The following AQR variants were observed in gnomAD, a reference collection of about 807,000 sequenced individuals.
AQR encodes the protein RNA helicase aquarius.
In AQR, 61 loss-of-function variants were observed where a neutral mutation model predicts 180.5. The ratio of observed to expected loss-of-function variants is 0.34; its 90% CI spans 0.28 to 0.42. The LOEUF (loss-of-function observed/expected upper bound fraction) is 0.42. AQR is among the 10% of genes least tolerant of loss of function. The pLI, the probability that AQR is intolerant of heterozygous loss-of-function variation, is 1.00. For missense variants in AQR, 1,281 were observed against 1,798.3 expected, an observed-to-expected ratio of 0.71 and a Z score of 5.20; for synonymous variants, 551 against 588.8, an observed-to-expected ratio of 0.94 and a Z score of 0.93.
Position 34,856,747 on chromosome 15 carries a change from G to C in AQR, c.*45C>G. 7.0e-7 allele frequency: 1 copy of C among 1,427,490 alleles called. No individual in the cohort carries two copies. The highest frequency in any genetic ancestry group is 1.8e-5 in the South Asian group (1 of 56,742). The allele number at this position is 1,427,490 out of a possible 1,614,324, so 88.4% of individuals were successfully genotyped here. A position where few individuals can be genotyped will look rare whatever the true frequency, so the allele number is the denominator to read the frequency against. On this transcript the variant is annotated 3_prime_UTR_variant, in exon 35 of 35. Coordinates refer to ENST00000156471, the MANE Select transcript of AQR (RefSeq NM_014691.3). ...AAAATACAAAAAACAGCTTTACTCA[G>C]ACTTTTTGACTGCCATGTCCTCCTT... is the stretch of plus-strand genomic sequence containing the variant.
chr15:34,964,446 T>C (rs1400084813), intron 1 of AQR, 156 bp from the exon 2 acceptor site: 1 of 713,022 alleles, frequency 1.4e-6, no homozygotes, highest in East Asian at 2.8e-5. Context: ...TGCAGGCCAG[T>C]TGGCATCCTT....
Position 34,873,841 on chromosome 15 carries a change from G to T in AQR, c.3584C>A (p.Pro1195His). 6.3e-7 allele frequency: 1 copy of T among 1,592,012 alleles called. No individual in the cohort carries two copies. Among genetic ancestry groups the T allele is most frequent in the Non-Finnish European group, 8.6e-7 (1 of 1,169,244 alleles). The change falls in exon 30 of 35, where the codon CCT (proline) becomes CAT (histidine). Residue 1195 changes from proline to histidine, a missense_variant. Pro to His is a moderately conservative substitution (Grantham distance 77). Around this residue, in one of 9 missense-constraint regions of AQR, gnomAD observed 197 missense variants for 320.7 expected, o/e 0.61. Transcript: ENST00000156471. Reference protein sequence around the residue: ...FQGVGESEPNPYFYQNLGEAE... With the variant: ...FQGVGESEPNHYFYQNLGEAE... ...ATTTTTTCTTACCTGATAGAAGTAA[G>T]GATTAGGTTCAGATTCTCCCACTCC...
intron 8 of AQR, among the ~76,000 whole-genome samples, chr15:34,940,119 T>C (rs1233427729): frequency 6.6e-6 from 1 of 152,136 alleles, no homozygotes; most frequent in African/African-American, 2.4e-5. Context: ...TTCAATTAAG[T>C]GGAGTGAAGA....
At chr15:34,897,460 G>A in intron 21 of AQR, 99 bp downstream of exon 21, 1 of 1,383,158 alleles carries the variant, frequency 7.2e-7, no homozygotes, top group Non-Finnish European at 1.0e-6. Flanking sequence ...GGAGTTTTGT[G>A]GAGTTTTAAA....
chr15:34,947,684 G>A (rs1365315908), intron 5 of AQR, among the ~76,000 whole-genome samples: 1 of 151,816 alleles, frequency 6.6e-6, no homozygotes, highest in Non-Finnish European at 1.5e-5. Context: ...CTGTTACCCA[G>A]GCTGGAGTGT....
intron 27 of AQR, among the ~76,000 whole-genome samples, chr15:34,879,011 G>C (rs959249035): frequency 6.6e-6 from 1 of 150,446 alleles, no homozygotes; most frequent in African/African-American, 2.5e-5. Context: ...CTGGGCAACA[G>C]AGCAAGGCTC....
intron 24 of AQR, among the ~76,000 whole-genome samples, chr15:34,889,281 T>C (rs1893106319): frequency 1.3e-5 from 2 of 152,216 alleles, no homozygotes; most frequent in South Asian, 4.1e-4. Context: ...TGCAACATAG[T>C]GACTTTTTAG....
intron 33 of AQR, 51 bp downstream of exon 33, chr15:34,862,816 A>G: frequency 6.3e-7 from 1 of 1,592,354 alleles, no homozygotes; most frequent in Non-Finnish European, 8.6e-7. Context: ...AGAAAATCCC[A>G]ATTTCCACTC....
At chr15:34,875,903 AT>A (rs1892883332) in intron 28 of AQR, 31 bp downstream of exon 28, 37 of 1,539,470 alleles carry the variant, frequency 2.4e-5, no homozygotes, top group Non-Finnish European at 3.3e-5. Flanking sequence ...TTAGAACTCT[AT>A]TTTCTTTGCC....
chr15:34,869,543 CA>C, intron 31 of AQR: 1 of 152,254 alleles, frequency 6.6e-6, no homozygotes, highest in East Asian at 1.9e-4. Flanking sequence ...ACCTTGGAAC[CA>C]CCCTATTTCC....
chr15:34,886,760 G>A, intron 24 of AQR, 99 bp from the exon 25 acceptor site: 19 of 1,178,658 alleles, frequency 1.6e-5, no homozygotes, highest in South Asian at 1.3e-4. Context: ...CAAAGAAGAG[G>A]AAAAAAAACT....
intron 19 of AQR, among the ~76,000 whole-genome samples, chr15:34,901,548 C>T (rs1893331884): frequency 1.3e-5 from 2 of 152,116 alleles, no homozygotes; most frequent in Non-Finnish European, 2.9e-5. Context: ...ATCATTTCAA[C>T]AAAGTGAGCT....
At chr15:34,859,503 T>C (rs1892639102) in intron 34 of AQR, among the ~76,000 whole-genome samples, 1 of 152,232 alleles carries the variant, frequency 6.6e-6, no homozygotes, top group African/African-American at 2.4e-5. Context: ...CTTAAAAAGT[T>C]AAACACATCC....
At chr15:34,879,441 C>A (rs1478389537) in intron 27 of AQR, among the ~76,000 whole-genome samples, 1 of 152,196 alleles carries the variant, frequency 6.6e-6, no homozygotes, top group Non-Finnish European at 1.5e-5. Context: ...GAAGAGAGAA[C>A]TGCGCATGCT....
chr15:34,856,709 C>A lies in AQR; in HGVS notation c.*83G>T. The A allele has an allele frequency of 8.4e-7, 1 of 1,192,938 alleles. No individual in the cohort carries two copies. Among genetic ancestry groups the A allele is most frequent in the Non-Finnish European group, 1.1e-6 (1 of 881,538 alleles). 73.9% of individuals were successfully genotyped at this position (1,192,938 alleles called of 1,614,324 possible). ...ACATTAATTAGTGACAGTAAAATGG[C>A]AGAAGCAAATATAAAATACAAAAAA... On this transcript the variant is annotated 3_prime_UTR_variant, in exon 35 of 35. Coordinates refer to ENST00000156471, the MANE Select transcript of AQR (RefSeq NM_014691.3).
chr15:34,921,588 A>G (rs1893686121), intron 13 of AQR, among the ~76,000 whole-genome samples: 1 of 152,172 alleles, frequency 6.6e-6, no homozygotes, highest in Middle Eastern at 3.2e-3. Context: ...TTGAACTTCC[A>G]TGTGAACGTG....
chr15:34,886,348 G>A (rs942230438), intron 25 of AQR, among the ~76,000 whole-genome samples, 178 bp downstream of exon 25: 1 of 152,100 alleles, frequency 6.6e-6, no homozygotes, highest in Non-Finnish European at 1.5e-5. Context: ...ATTTAGAAAA[G>A]AAAACTGAAG....
chr15:34,901,026 A>G (rs570683705), intron 19 of AQR, among the ~76,000 whole-genome samples, 163 bp from the exon 20 acceptor site: 2 of 152,316 alleles, frequency 1.3e-5, no homozygotes, highest in South Asian at 4.1e-4. Context: ...CTGAATCAAC[A>G]GCTATATTTT....
At chr15:34,930,458 C>T in intron 11 of AQR, 87 bp from the exon 12 acceptor site, 2 of 718,462 alleles carry the variant, frequency 2.8e-6, no homozygotes, top group South Asian at 2.2e-5. Flanking sequence ...CAGGTTCATA[C>T]AGTTTCTCAG....
Sources: gnomAD v4.1 joint callset for allele counts (sites outside exome capture counted in the v4.1 genomes callset) on GRCh38, gnomAD v4.1.1 for gene constraint, gnomAD v4.1.1 regional missense constraint, MANE v1.5 for transcripts, NCBI Gene and HGNC (gene_info 2026-07-23, HGNC 2026-07-21) for gene names.